THSD7A: variants seen among roughly 807,000 people sequenced by gnomAD.
The protein encoded by THSD7A is thrombospondin type 1 domain containing 7A.
THSD7A carries 96 observed loss-of-function variants against 231.3 expected under a neutral mutation model. The observed-to-expected ratio is 0.41, with a 90% CI of 0.35 to 0.49. THSD7A has a LOEUF of 0.49. Ranked by LOEUF, THSD7A falls within the 20% of genes least tolerant of loss-of-function variation. The probability of loss-of-function intolerance (pLI) is 0.05; values close to 1 mark genes in which losing one functional copy is unlikely to be tolerated. For synonymous variants in THSD7A, 940 were observed against 743.3 expected, an observed-to-expected ratio of 1.26 and a Z score of -4.30; for missense variants, 2,290 against 2,070.2, an observed-to-expected ratio of 1.11 and a Z score of -2.06.
At chr7:11,676,619 C>T (rs1352527593) in intron 1 of THSD7A, among the ~76,000 whole-genome samples, 1 of 151,934 alleles carries the variant, frequency 6.6e-6, no homozygotes, top group Non-Finnish European at 1.5e-5. Flanking sequence ...CTTCATGGAG[C>T]ACACAGAAGT....
intron 1 of THSD7A, among the ~76,000 whole-genome samples, chr7:11,732,673 A>C (rs1156526635): frequency 1.3e-5 from 2 of 151,854 alleles, no homozygotes; most frequent in African/African-American, 4.8e-5. Context: ...ATTTGTTTTC[A>C]ACTCTATCTT....
At chr7:11,384,686 T>C (rs897097402) in intron 23 of THSD7A, 2 of 152,064 alleles carry the variant, frequency 1.3e-5, no homozygotes, top group Non-Finnish European at 2.9e-5. Flanking sequence ...TCTATTCTTT[T>C]AGTCTAATGG....
intron 1 of THSD7A, among the ~76,000 whole-genome samples, chr7:11,787,491 A>T (rs1479198963): frequency 6.6e-6 from 1 of 152,050 alleles, no homozygotes; most frequent in Non-Finnish European, 1.5e-5. Context: ...TTGGGAGAAA[A>T]TTTTCAAAAG....
intron 1 of THSD7A, among the ~76,000 whole-genome samples, chr7:11,760,233 A>G (rs116378261): frequency 0.016 from 2,482 of 152,190 alleles, 49 homozygotes; most frequent in African/African-American, 0.056. Context: ...TATTTGGGAG[A>G]TTTAGATGGA....
At chr7:11,566,394 A>C (rs1790326657) in intron 4 of THSD7A, among the ~76,000 whole-genome samples, 1 of 152,224 alleles carries the variant, frequency 6.6e-6, no homozygotes, top group Non-Finnish European at 1.5e-5. Context: ...TTTGGGTTGA[A>C]ATCCAGAAAT....
intron 1 of THSD7A, among the ~76,000 whole-genome samples, chr7:11,695,522 A>G (rs567777798): frequency 6.6e-6 from 1 of 151,650 alleles, no homozygotes; most frequent in African/African-American, 2.4e-5. Flanking sequence ...GACAAAATTG[A>G]GTATCTAATC....
intron 4 of THSD7A, among the ~76,000 whole-genome samples, chr7:11,556,323 G>A (rs574652334): frequency 4.8e-5 from 7 of 147,280 alleles, no homozygotes; most frequent in African/African-American, 9.7e-5. Flanking sequence ...ATATATACAA[G>A]ATATACTATA....
In THSD7A at chr7:11,668,471, AAAAG is replaced by A. The variant is rs1783238457; in HGVS notation, c.191-31514_191-31511del. ...AGAGAGAGAGAGAGAAAGAAAGAAA[AAAAG>A]AAAGACAGAAAGAAAGAGAGAGAGA... On this transcript the variant is annotated intron_variant, in intron 1 of 27. Transcript: ENST00000423059. 3.3e-4 allele frequency among the ~76,000 whole-genome samples: 15 copies of A among 45,876 alleles called. No homozygotes were observed. In the South Asian group the frequency reaches 6.4e-3, roughly 20 times the overall value. The allele number at this position is 45,876 out of a possible 152,430, so 30.1% of individuals were successfully genotyped here.
At chr7:11,534,352 G>C (rs891892052) in intron 6 of THSD7A, among the ~76,000 whole-genome samples, 6 of 152,158 alleles carry the variant, frequency 3.9e-5, no homozygotes, top group African/African-American at 1.4e-4. Flanking sequence ...TATTGTGTGA[G>C]TTCAAGAGGA....
intron 9 of THSD7A, among the ~76,000 whole-genome samples, chr7:11,463,468 C>A (rs973015306): frequency 6.6e-6 from 1 of 152,152 alleles, no homozygotes; most frequent in South Asian, 2.1e-4. Flanking sequence ...AAAATCTTGC[C>A]AGGTATTTGG....
At chr7:11,682,864 G>C (rs1460011351) in intron 1 of THSD7A, among the ~76,000 whole-genome samples, 1 of 151,732 alleles carries the variant, frequency 6.6e-6, no homozygotes, top group African/African-American at 2.4e-5. Flanking sequence ...CACAAAGCAA[G>C]TCTCAACAAA....
Position 11,429,135 on chromosome 7 carries a change from G to C in THSD7A, c.3065-10C>G, listed in dbSNP as rs746373992. On this transcript the variant is annotated splice_polypyrimidine_tract_variant and intron_variant, in intron 13 of 27. Coordinates refer to ENST00000423059, the MANE Select transcript of THSD7A (RefSeq NM_015204.3). ...GCCTCCTCAATGTAACCTGAGTAGAGGAAAATGAGACAAGAATCATCTCCT... is the reference window on the plus strand; with the variant it reads ...GCCTCCTCAATGTAACCTGAGTAGACGAAAATGAGACAAGAATCATCTCCT... The C allele has an allele frequency of 7.7e-6, 12 of 1,549,800 alleles. No individual in the cohort carries two copies. Among genetic ancestry groups the C allele is most frequent in the African/African-American group, 1.4e-5 (1 of 71,752 alleles).
intron 2 of THSD7A, among the ~76,000 whole-genome samples, chr7:11,633,547 A>G (rs3857703): frequency 0.024 from 3,612 of 152,154 alleles, 76 homozygotes; most frequent in Admixed American, 0.046. Context: ...CTACTCTTAG[A>G]GATTCTGAGT....
chr7:11,573,029 G>C (rs1790715700), intron 4 of THSD7A, among the ~76,000 whole-genome samples: 1 of 152,136 alleles, frequency 6.6e-6, no homozygotes, highest in Non-Finnish European at 1.5e-5. Context: ...GATCTTTTCA[G>C]GTTTGATTTT....
chr7:11,579,459 C>T (rs542993846), intron 4 of THSD7A, among the ~76,000 whole-genome samples: 2 of 152,280 alleles, frequency 1.3e-5, no homozygotes, highest in East Asian at 1.9e-4. Context: ...ACAACGAACT[C>T]GATGAAATAA....
intron 23 of THSD7A, among the ~76,000 whole-genome samples, chr7:11,383,594 G>A (rs959685816): frequency 8.6e-5 from 13 of 151,910 alleles, no homozygotes; most frequent in Admixed American, 7.2e-4. Context: ...AAACACTCAT[G>A]AAAATTTATA....
intron 2 of THSD7A, among the ~76,000 whole-genome samples, chr7:11,596,893 A>T (rs1440382825): frequency 6.6e-6 from 1 of 152,238 alleles, no homozygotes; most frequent in Non-Finnish European, 1.5e-5. Flanking sequence ...ATTCCTGTCC[A>T]TAAGGCCCAT....
chr7:11,573,523 A>G (rs569675258), intron 4 of THSD7A, among the ~76,000 whole-genome samples: 29 of 152,338 alleles, frequency 1.9e-4, no homozygotes, highest in African/African-American at 7.0e-4. Flanking sequence ...CACAACTGTA[A>G]TCACGGTCTT....
chr7:11,407,100 T>C (rs1247641551), intron 20 of THSD7A, 45 bp from the exon 21 acceptor site: 1 of 1,604,586 alleles, frequency 6.2e-7, no homozygotes, highest in Non-Finnish European at 8.5e-7. Context: ...ATGTTATGGT[T>C]TTGCAAGCAT....
Sources: gnomAD v4.1 joint callset for allele counts (sites outside exome capture counted in the v4.1 genomes callset) on GRCh38, gnomAD v4.1.1 for gene constraint, MANE v1.5 for transcripts, NCBI Gene and HGNC (gene_info 2026-07-23, HGNC 2026-07-21) for gene names.